Variants in ADGRL1 observed in about 807,000 individuals in gnomAD.
The protein encoded by ADGRL1 is CIRL-1.
A neutral mutation model predicts 148.9 loss-of-function variants in ADGRL1; 31 were observed. That is an observed-to-expected ratio of 0.21 (90% CI 0.16 to 0.28). The LOEUF (loss-of-function observed/expected upper bound fraction) is 0.28. Among genes scored for constraint, ADGRL1 ranks in the 10% least tolerant of loss-of-function variants. ADGRL1 has a pLI of 1.00. For synonymous variants in ADGRL1, 937 were observed against 900.3 expected (o/e 1.04, Z -0.73); for missense variants, 1,521 against 2,058.8 (o/e 0.74, Z 5.05).
Position 14,202,070 on chromosome 19 carries a change from CTT to C in ADGRL1, c.-96+3913_-96+3914del, listed in dbSNP as rs568773292. Among the ~76,000 whole-genome samples the C allele has an allele frequency of 3.2e-4, 48 of 152,140 alleles. No individual in the cohort carries two copies. The South Asian group carries it at 9.7e-3, about 31-fold the overall frequency. ...GCAAACGCCCCGGGGTAGGATCACA[CTT>C]AGCACACTGGACGAGCAACGAGGAG... On this transcript the variant is annotated intron_variant, in intron 1 of 22. Coordinates refer to ENST00000361434, the MANE Select transcript of ADGRL1 (RefSeq NM_014921.5).
rs1969377544 is a variant in ADGRL1, at chr19:14,161,540, G to GGGTGGTGGCTGCGGGCGA, written c.1264_1281dup (p.Ser422_Thr427dup). 1 of 1,455,692 alleles carries GGGTGGTGGCTGCGGGCGA rather than the reference G, an allele frequency of 6.9e-7. No individual in the cohort carries two copies. Among genetic ancestry groups the GGGTGGTGGCTGCGGGCGA allele is most frequent in the Non-Finnish European group, 9.1e-7 (1 of 1,104,666 alleles). The allele number at this position is 1,455,692 out of a possible 1,614,324, so 90.2% of individuals were successfully genotyped here. On this transcript the variant is annotated inframe_insertion, in exon 6 of 23. Coordinates refer to ENST00000361434, the MANE Select transcript of ADGRL1 (RefSeq NM_014921.5). The surrounding 1 kb of genome is among the most constrained non-coding windows in gnomAD (Gnocchi z 4.4). The stretch of plus-strand genomic sequence containing the variant: ...GTGGTGAGGGGTGCCCGGCGGAGCG[G>GGGTGGTGGCTGCGGGCGA]GGTGGTGGCTGCGGGCGAGGCTGTG...
intron 1 of ADGRL1, among the ~76,000 whole-genome samples, chr19:14,195,706 T>C (rs1401445825): frequency 6.6e-6 from 1 of 152,032 alleles, no homozygotes; most frequent in East Asian, 1.9e-4. Context: ...CAGCTGAGAG[T>C]TGAAGCCCCT....
chr19:14,162,837 C>T lies in ADGRL1; in HGVS notation c.964G>A (p.Val322Ile), dbSNP rs145982795. The change falls in exon 5 of 23, where the codon GTC (valine) becomes ATC (isoleucine). Residue 322 changes from valine (V) to isoleucine (I), a missense_variant. Physicochemically the swap from Val to Ile is conservative, Grantham distance 29. Around this residue, in one of 8 missense-constraint regions of ADGRL1, gnomAD observed 334 missense variants for 512.5 expected, o/e 0.65. Coordinates refer to ENST00000361434, the MANE Select transcript of ADGRL1 (RefSeq NM_014921.5). The surrounding 1 kb of genome is among the most constrained non-coding windows in gnomAD (Gnocchi z 5.4). ...NAFMVCGVLY[V>I]LRSVYVDDDS... The stretch of plus-strand genomic sequence containing the variant: ...TCATCCACGTACACGGAACGCAGGA[C>T]GTACAGGACCCCACACACCATGAAG... 1,153 of 1,614,104 alleles carry T rather than the reference C, an allele frequency of 7.1e-4. 2 individuals carry two copies. Among genetic ancestry groups the T allele is most frequent in the East Asian group, 4.0e-3 (180 of 44,864 alleles).
At position 14,177,626 on chromosome 19, in the gene ADGRL1, G is replaced by A. The variant is rs148289324; in HGVS notation, c.189C>T (p.Tyr63=). 22 of 1,614,092 alleles carry A rather than the reference G, an allele frequency of 1.4e-5. No individual in the cohort carries two copies. Among genetic ancestry groups the A allele is most frequent in the Middle Eastern group, 3.3e-4 (2 of 6,084 alleles). The change falls in exon 3 of 23, where the codon TAC becomes TAT. Residue 63 remains tyrosine, a synonymous_variant. Coordinates refer to ENST00000361434, the MANE Select transcript of ADGRL1 (RefSeq NM_014921.5). The stretch of plus-strand genomic sequence containing the variant: ...CGCAAATCTTGTCGTCCGTGCGCCC[G>A]TAGTTGGCATTCTCCACCATGATGA... The part of the protein sequence containing the change: ...SDVIMVENAN[Y]GRTDDKICDA...
intron 1 of ADGRL1, among the ~76,000 whole-genome samples, chr19:14,204,738 G>GAC (rs1355231658): frequency 4.2e-5 from 6 of 143,710 alleles, no homozygotes; most frequent in South Asian, 2.3e-4. Flanking sequence ...GAGAGAGAGA[G>GAC]AGACAGACAG....
rs1016135773 is a variant in ADGRL1, at chr19:14,162,385, A to G, written c.1195+221T>C. 3.9e-5 allele frequency among the ~76,000 whole-genome samples: 6 copies of G among 152,220 alleles called. No individual in the cohort carries two copies. Among genetic ancestry groups the G allele is most frequent in the Non-Finnish European group, 4.4e-5 (3 of 68,044 alleles). On this transcript the variant is annotated intron_variant, in intron 5 of 22. Coordinates refer to ENST00000361434, the MANE Select transcript of ADGRL1 (RefSeq NM_014921.5). This position sits in a 1 kb window ranked among gnomAD's most constrained non-coding sequence, Gnocchi z 5.4. ...CACACAGAGCCTCAGTGTCATCTGT[A>G]AAACAGGGCAGTAAGGATCCCTGTG...
At chr19:14,181,993 C>T (rs1466865859) in intron 2 of ADGRL1, among the ~76,000 whole-genome samples, 1 of 152,124 alleles carries the variant, frequency 6.6e-6, no homozygotes, top group Non-Finnish European at 1.5e-5. Context: ...TTGCGTTGCC[C>T]CATGTTGGTC....
At chr19:14,167,028 C>G (rs1170618870) in intron 4 of ADGRL1, 1 of 1,611,044 alleles carries the variant, frequency 6.2e-7, no homozygotes, top group Non-Finnish European at 8.5e-7. Flanking sequence ...TTCTGCTCCA[C>G]TTCTACTTTA....
In ADGRL1 at chr19:14,155,702, G is replaced by A; in HGVS notation, c.3126-175C>T. 1 of 619,076 alleles carries A rather than the reference G, an allele frequency of 1.6e-6. No individual in the cohort carries two copies. Among genetic ancestry groups the A allele is most frequent in the Non-Finnish European group, 2.8e-6 (1 of 354,866 alleles). 38.3% of individuals were successfully genotyped at this position (619,076 alleles called of 1,614,324 possible). ...TGGCCTGCCCAGGACACCTCCACCG[G>A]AGCCTGGGCCTGAGGGAAAGGTACT... On this transcript the variant is annotated intron_variant, in intron 17 of 22. Transcript: ENST00000361434. This position sits in a 1 kb window ranked among gnomAD's most constrained non-coding sequence, Gnocchi z 5.0.
chr19:14,196,553 G>C (rs1397799031), intron 1 of ADGRL1, among the ~76,000 whole-genome samples: 2 of 152,158 alleles, frequency 1.3e-5, no homozygotes, highest in African/African-American at 2.4e-5. Context: ...CCGGGTGGTG[G>C]AGGTTGCAGT....
chr19:14,149,443 A>C lies in ADGRL1; in HGVS notation c.*1430T>G, dbSNP rs1967930592. ...CCTCCCCATTTTCCTTCTGCCATCA[A>C]CCTCTCTAGGTGGGAAATCAGCCCC... is the stretch of plus-strand genomic sequence containing the variant. On this transcript the variant is annotated 3_prime_UTR_variant, in exon 23 of 23. Coordinates refer to ENST00000361434, the MANE Select transcript of ADGRL1 (RefSeq NM_014921.5). The C allele has an allele frequency of 1.3e-5, 2 of 152,108 alleles. No homozygotes were observed. Among genetic ancestry groups the C allele is most frequent in the South Asian group, 2.1e-4 (1 of 4,668 alleles). The allele number at this position is 152,108 out of a possible 1,614,324, so 9.4% of individuals were successfully genotyped here.
Position 14,160,229 on chromosome 19 carries a change from G to A in ADGRL1, c.1683C>T (p.Tyr561=), listed in dbSNP as rs145941703. 2.2e-5 allele frequency: 35 copies of A among 1,600,880 alleles called. No homozygotes were observed. The African/African-American group carries it at 2.8e-4, about 13-fold the overall frequency. Residue 561 remains tyrosine, a synonymous_variant, in exon 8 of 23, where the codon TAC becomes TAT. Transcript: ENST00000361434. The surrounding 1 kb of genome is among the most constrained non-coding windows in gnomAD (Gnocchi z 5.9). Reference sequence around the variant, plus strand: ...TCACAGAGGAGGAGACGTCCCCCGCGTAGATGGAGCCCCGGGTGTGTCGGG... The same window carrying A: ...TCACAGAGGAGGAGACGTCCCCCGCATAGATGGAGCCCCGGGTGTGTCGGG... ...ELARHTRGSI[Y]AGDVSSSVKL...
In ADGRL1 at chr19:14,160,244, G is replaced by T; in HGVS notation, c.1668C>A (p.Thr556=). ...ANIASELARH[T]RGSIYAGDVS... The stretch of plus-strand genomic sequence containing the variant: ...CGTCCCCCGCGTAGATGGAGCCCCG[G>T]GTGTGTCGGGCCAGCTCGCTGGCGA... The change falls in exon 8 of 23, where the codon ACC becomes ACA. Residue 556 remains threonine (T), a synonymous_variant. Coordinates refer to ENST00000361434, the MANE Select transcript of ADGRL1 (RefSeq NM_014921.5). This position sits in a 1 kb window ranked among gnomAD's most constrained non-coding sequence, Gnocchi z 5.9. 6.3e-7 allele frequency: 1 copy of T among 1,597,412 alleles called. No homozygotes were observed. The highest frequency in any genetic ancestry group is 1.1e-5 in the South Asian group (1 of 90,774).
At chr19:14,168,450 G>A (rs528997815) in intron 4 of ADGRL1, among the ~76,000 whole-genome samples, 2 of 152,132 alleles carry the variant, frequency 1.3e-5, no homozygotes, top group African/African-American at 4.8e-5. Context: ...GTGTGTGTGC[G>A]TGTGTCTCCT....
At position 14,176,960 on chromosome 19, in the gene ADGRL1, C is replaced by T. The variant is rs1460388465; in HGVS notation, c.284+571G>A. Among the ~76,000 whole-genome samples, 5 of 150,740 alleles carry T rather than the reference C, an allele frequency of 3.3e-5. 1 individual carries two copies. The South Asian group carries it at 6.3e-4, about 19-fold the overall frequency. ...CTGGCTAAGGCTGGGTGTGATGGCTCATCTCATGCCTGTAATGCCAGCACT... is the reference window on the plus strand; with the variant it reads ...CTGGCTAAGGCTGGGTGTGATGGCTTATCTCATGCCTGTAATGCCAGCACT... On this transcript the variant is annotated intron_variant, in intron 3 of 22. Coordinates refer to ENST00000361434, the MANE Select transcript of ADGRL1 (RefSeq NM_014921.5).
Position 14,160,268 on chromosome 19 carries a change from G to T in ADGRL1, c.1644C>A (p.Ile548=). ...KIKSGENAAN[I]ASELARHTRG... The stretch of plus-strand genomic sequence containing the variant: ...GGGTGTGTCGGGCCAGCTCGCTGGC[G>T]ATGTTGGCCGCGTTCTCCCCACTCT... The change falls in exon 8 of 23, where the codon ATC becomes ATA. Residue 548 remains isoleucine (I), a synonymous_variant. Transcript: ENST00000361434. The surrounding 1 kb of genome is among the most constrained non-coding windows in gnomAD (Gnocchi z 5.9). 1 of 1,592,720 alleles carries T rather than the reference G, an allele frequency of 6.3e-7. No individual in the cohort carries two copies. Among genetic ancestry groups the T allele is most frequent in the Non-Finnish European group, 8.6e-7 (1 of 1,162,628 alleles).
chr19:14,169,295 T>G (rs1158612212), intron 4 of ADGRL1: 1 of 152,152 alleles, frequency 6.6e-6, no homozygotes, highest in Non-Finnish European at 1.5e-5. Flanking sequence ...CACACCTCCT[T>G]CCGTAGTGGC....
intron 1 of ADGRL1, among the ~76,000 whole-genome samples, chr19:14,186,136 G>A (rs1296326776): frequency 6.6e-6 from 1 of 152,120 alleles, no homozygotes; most frequent in Non-Finnish European, 1.5e-5. Flanking sequence ...ATGGCTCACT[G>A]CAGCCTCCAC....
At position 14,147,836 on chromosome 19, in the gene ADGRL1, T is replaced by C. The variant is rs1339146887; in HGVS notation, c.*3037A>G. Reference sequence around the variant, plus strand: ...TTTTTCTGAAACGTTCTTGTTGTTATGAGCCTTTTGTTTTGTTCTCGTTAA... The same window carrying C: ...TTTTTCTGAAACGTTCTTGTTGTTACGAGCCTTTTGTTTTGTTCTCGTTAA... On this transcript the variant is annotated 3_prime_UTR_variant, in exon 23 of 23. Coordinates refer to ENST00000361434, the MANE Select transcript of ADGRL1 (RefSeq NM_014921.5). 1 of 152,642 alleles carries C rather than the reference T, an allele frequency of 6.6e-6. No individual in the cohort carries two copies. Among genetic ancestry groups the C allele is most frequent in the African/African-American group, 2.4e-5 (1 of 41,450 alleles). The allele number at this position is 152,642 out of a possible 1,614,324, so 9.5% of individuals were successfully genotyped here.
Sources: allele counts gnomAD v4.1 joint callset (sites outside exome capture counted in the v4.1 genomes callset), GRCh38; gene constraint gnomAD v4.1.1; regional missense constraint gnomAD v4.1.1; non-coding constraint Gnocchi (gnomAD v3.1); transcripts MANE v1.5; gene names NCBI Gene and HGNC (gene_info 2026-07-23, HGNC 2026-07-21).